HEATR4: variants seen among roughly 807,000 people sequenced by gnomAD.
HEATR4 encodes the protein HEAT repeat-containing protein 4.
In HEATR4, 95 loss-of-function variants were observed where a neutral mutation model predicts 108.8. The ratio of observed to expected loss-of-function variants is 0.87; its 90% CI spans 0.74 to 1.04. HEATR4 has a LOEUF of 1.04. Among genes scored for constraint, HEATR4 ranks in the 50% least tolerant of loss-of-function variants. The pLI is 0.00. For missense variants in HEATR4, 1,152 were observed against 1,253.8 expected (o/e 0.92, Z 1.23); for synonymous variants, 443 against 459.4 (o/e 0.96, Z 0.46).
chr14:73,562,100 C>T (rs1333352070), upstream of HEATR4, among the ~76,000 whole-genome samples: 1 of 151,634 alleles, frequency 6.6e-6, no homozygotes, highest in East Asian at 1.9e-4. Flanking sequence ...TTATGAGGTA[C>T]CTAAAGTAGT....
At chr14:73,553,181 T>C (rs1889348280) in intron 1 of HEATR4, among the ~76,000 whole-genome samples, 1 of 113,642 alleles carries the variant, frequency 8.8e-6, no homozygotes, top group Non-Finnish European at 1.9e-5. Context: ...CCCCTTCTTC[T>C]CCCCCAGGTG....
intron 17 of HEATR4, chr14:73,491,588 G>A: frequency 6.5e-7 from 1 of 1,545,566 alleles, no homozygotes; most frequent in Non-Finnish European, 8.7e-7. Context: ...CGTCTTGGCC[G>A]AGCTGAACCG....
chr14:73,612,494 T>C, the HEATR4 span: 1 of 1,019,040 alleles, frequency 9.8e-7, no homozygotes, highest in Non-Finnish European at 1.3e-6. Flanking sequence ...CTCGACTACT[T>C]TCCAGCGCTC....
At chr14:73,491,253 T>A in intron 17 of HEATR4, 1 of 1,581,214 alleles carries the variant, frequency 6.3e-7, no homozygotes, top group Non-Finnish European at 8.6e-7. Context: ...GGGGACGCGC[T>A]ACCCGGTGGG....
At chr14:73,498,471 G>A (rs904721452) in intron 13 of HEATR4, 127 bp from the exon 14 acceptor site, 2 of 792,946 alleles carry the variant, frequency 2.5e-6, no homozygotes, top group Admixed American at 2.8e-5. Context: ...GAATTTTAGG[G>A]ATAGGTCAGA....
At chr14:73,598,429 C>G in the HEATR4 span, among the ~76,000 whole-genome samples, 6,663 of 151,780 alleles carry the variant, frequency 0.044, 179 homozygotes, top group Middle Eastern at 0.075. Flanking sequence ...GACCTATGTC[C>G]CCTTCCTTCA....
At chr14:73,513,545 G>A (rs1887396305) in intron 6 of HEATR4, among the ~76,000 whole-genome samples, 1 of 151,746 alleles carries the variant, frequency 6.6e-6, no homozygotes, top group South Asian at 2.1e-4. Context: ...GGCCAACATG[G>A]TGAAACCCCA....
intron 9 of HEATR4, 135 bp from the exon 10 acceptor site, chr14:73,506,706 A>T (rs370548964): frequency 1.1e-5 from 6 of 564,986 alleles, no homozygotes; most frequent in South Asian, 2.5e-5. Flanking sequence ...GCATGTTTCC[A>T]TCACAGCCAA....
intron 6 of HEATR4, 53 bp downstream of exon 6, chr14:73,513,978 A>G: frequency 6.5e-7 from 1 of 1,546,452 alleles, no homozygotes; most frequent in East Asian, 2.2e-5. Context: ...CTAGTCCCAG[A>G]TGAGAACCAC....
At chr14:73,612,652 C>G in the HEATR4 span, 1 of 1,407,520 alleles carries the variant, frequency 7.1e-7, no homozygotes, top group Non-Finnish European at 9.2e-7. Flanking sequence ...GCGGCCTGGC[C>G]CCGGAGCAGC....
the HEATR4 span, among the ~76,000 whole-genome samples, chr14:73,602,134 T>G: frequency 6.6e-6 from 1 of 152,004 alleles, no homozygotes; most frequent in African/African-American, 2.4e-5. Context: ...AGAGACGAGG[T>G]TTCACTATGT....
the HEATR4 span, among the ~76,000 whole-genome samples, chr14:73,597,694 A>T: frequency 6.8e-6 from 1 of 147,384 alleles, no homozygotes; most frequent in Non-Finnish European, 1.5e-5. Flanking sequence ...CCCAGGTTCA[A>T]GCAATTCTTC....
chr14:73,569,151 G>C, the HEATR4 span: 1 of 1,480,328 alleles, frequency 6.8e-7, no homozygotes, highest in Non-Finnish European at 9.2e-7. Context: ...ATTTGGTCTG[G>C]CTGATCGGCT....
At chr14:73,489,157 G>C (rs1338154732) in intron 17 of HEATR4, among the ~76,000 whole-genome samples, 4 of 152,148 alleles carry the variant, frequency 2.6e-5, no homozygotes, top group African/African-American at 7.2e-5. Context: ...GTTGTGGGAG[G>C]GTTGTCCTTA....
intron 10 of HEATR4, among the ~76,000 whole-genome samples, chr14:73,503,826 T>C (rs754907134): frequency 2.3e-4 from 35 of 152,254 alleles, no homozygotes; most frequent in Non-Finnish European, 4.9e-4. Flanking sequence ...GGTCAGAAAC[T>C]GCATGCTTAC....
intron 5 of HEATR4, among the ~76,000 whole-genome samples, chr14:73,515,671 CAAAAAAAA>C (rs35601077): frequency 1.1e-3 from 36 of 33,516 alleles, no homozygotes; most frequent in African/African-American, 3.2e-3. Context: ...GACTCCATCT[CAAAAAAAA>C]AAAAAAAAAA....
rs763059759 is a variant in HEATR4, at chr14:73,493,100, G to C, written c.2810C>G (p.Pro937Arg). Reference protein sequence around the residue: ...FQDEMVLPRRPSEVCDTEAVI... With the variant: ...FQDEMVLPRRRSEVCDTEAVI... ...TGCTTCAGTGTCACAAACCTCGGAA[G>C]GTCTTCTAGGAAGAACCATCTCATC... The change falls in exon 17 of 18, where the codon CCT becomes CGT. Residue 937 changes from proline to arginine, a missense_variant. Pro to Arg is a moderately radical substitution (Grantham distance 103). Transcript: ENST00000553558. 6.2e-7 allele frequency: 1 copy of C among 1,611,786 alleles called. No homozygotes were observed. Among genetic ancestry groups the C allele is most frequent in the Non-Finnish European group, 8.5e-7 (1 of 1,179,802 alleles).
the HEATR4 span, among the ~76,000 whole-genome samples, chr14:73,587,986 C>T: frequency 2.0e-5 from 3 of 151,832 alleles, no homozygotes; most frequent in African/African-American, 7.3e-5. Flanking sequence ...CCTATTAGAC[C>T]CACATTTTAT....
the HEATR4 span, among the ~76,000 whole-genome samples, chr14:73,621,307 C>A: frequency 1.2e-4 from 19 of 152,162 alleles, no homozygotes; most frequent in Admixed American, 4.6e-4. Flanking sequence ...TTCCCAGTCA[C>A]TATATGGTCA....
Sources: gnomAD v4.1 joint callset for allele counts (sites outside exome capture counted in the v4.1 genomes callset) on GRCh38, gnomAD v4.1.1 for gene constraint, MANE v1.5 for transcripts, NCBI Gene and HGNC (gene_info 2026-07-23, HGNC 2026-07-21) for gene names.